Variants in CNTNAP5 observed in about 807,000 individuals in gnomAD.
CNTNAP5 encodes the protein contactin associated protein family member 5, also known as contactin-associated protein-like 5.
Under a neutral mutation model 150.2 loss-of-function variants are expected in CNTNAP5, and 72 were observed. The ratio of observed to expected loss-of-function variants is 0.48; its 90% CI spans 0.40 to 0.58. The LOEUF (loss-of-function observed/expected upper bound fraction) is 0.58, where lower values mean the gene tolerates loss of function less well. CNTNAP5 is among the 20% of genes least tolerant of loss of function. CNTNAP5 has a pLI of 0.00. For missense variants in CNTNAP5, 1,636 were observed against 1,626.2 expected, an observed-to-expected ratio of 1.01 and a Z score of -0.10; for synonymous variants, 672 against 619.8, an observed-to-expected ratio of 1.08 and a Z score of -1.25.
At chr2:124,281,209 A>T (rs1688004912) in intron 3 of CNTNAP5, among the ~76,000 whole-genome samples, 1 of 152,180 alleles carries the variant, frequency 6.6e-6, no homozygotes, top group South Asian at 2.1e-4. Context: ...ATAAATACAA[A>T]GGAAAAAGAG....
At chr2:124,167,649 C>T (rs1293733081) in intron 1 of CNTNAP5, among the ~76,000 whole-genome samples, 3 of 152,162 alleles carry the variant, frequency 2.0e-5, no homozygotes, top group Non-Finnish European at 4.4e-5. Flanking sequence ...TCTTGTTAGG[C>T]AGGGAACCTG....
At chr2:124,633,335 G>C (rs572463184) in intron 12 of CNTNAP5, among the ~76,000 whole-genome samples, 10 of 152,256 alleles carry the variant, frequency 6.6e-5, no homozygotes, top group African/African-American at 2.2e-4. Context: ...TTGGTAAATA[G>C]CCTTATTCCA....
intron 18 of CNTNAP5, 33 bp downstream of exon 18, chr2:124,790,174 A>G: frequency 6.4e-7 from 1 of 1,573,840 alleles, no homozygotes; most frequent in Non-Finnish European, 8.6e-7. Flanking sequence ...TCCTGAGTGC[A>G]GTGCTGTATC....
chr2:124,651,191 A>T (rs727180), intron 13 of CNTNAP5, among the ~76,000 whole-genome samples: 83,846 of 152,110 alleles, frequency 0.55, 23,701 homozygotes, highest in Non-Finnish European at 0.62. Flanking sequence ...CAGGCTGATT[A>T]CCATAGCCTA....
intron 3 of CNTNAP5, among the ~76,000 whole-genome samples, chr2:124,329,017 G>A (rs1262951036): frequency 6.6e-6 from 1 of 152,170 alleles, no homozygotes; most frequent in African/African-American, 2.4e-5. Flanking sequence ...AGGCAAGAAG[G>A]AGACAGGGAA....
At chr2:124,089,745 T>C (rs143929784) in intron 1 of CNTNAP5, among the ~76,000 whole-genome samples, 53 of 152,350 alleles carry the variant, frequency 3.5e-4, no homozygotes, top group African/African-American at 1.2e-3. Context: ...AGTTCACTTA[T>C]TTATCATTGA....
chr2:124,177,547 T>A (rs895340998), intron 1 of CNTNAP5, among the ~76,000 whole-genome samples: 5 of 152,170 alleles, frequency 3.3e-5, no homozygotes, highest in African/African-American at 1.2e-4. Flanking sequence ...TGTCCTAATC[T>A]GTCCTAATCT....
In CNTNAP5 at chr2:124,034,404, C is replaced by T. The variant is rs549861409; in HGVS notation, c.82+8672C>T. 4.9e-4 allele frequency among the ~76,000 whole-genome samples: 74 copies of T among 152,296 alleles called. No individual in the cohort carries two copies. In the South Asian group the frequency reaches 5.6e-3, roughly 12 times the overall value. ...CCCACTTCCCCTTCATCTGGGTAAT[C>T]GGATGGGTGAGTCACTGCTAAGACA... On this transcript the variant is annotated intron_variant, in intron 1 of 23. Transcript: ENST00000682447.
At chr2:124,255,589 A>C (rs1027152450) in intron 3 of CNTNAP5, among the ~76,000 whole-genome samples, 2 of 71,356 alleles carry the variant, frequency 2.8e-5, no homozygotes, top group Non-Finnish European at 5.3e-5. Context: ...TAAAATAATA[A>C]TTTTTTTTTA....
intron 11 of CNTNAP5, among the ~76,000 whole-genome samples, chr2:124,572,569 G>A (rs1910527): frequency 0.21 from 32,589 of 152,008 alleles, 4,310 homozygotes; most frequent in East Asian, 0.62. Context: ...TTTCAAGGGT[G>A]GATATTAAAA....
intron 17 of CNTNAP5, among the ~76,000 whole-genome samples, chr2:124,786,047 C>A (rs370829874): frequency 2.6e-5 from 4 of 151,860 alleles, no homozygotes; most frequent in East Asian, 3.9e-4. Flanking sequence ...ATAGCCTGGG[C>A]AACATAGTAA....
At chr2:124,443,654 T>C (rs554735416) in intron 5 of CNTNAP5, among the ~76,000 whole-genome samples, 1 of 152,264 alleles carries the variant, frequency 6.6e-6, no homozygotes, top group South Asian at 2.1e-4. Flanking sequence ...TGATTCATAA[T>C]ATTTATAAAA....
intron 3 of CNTNAP5, among the ~76,000 whole-genome samples, chr2:124,405,191 T>C (rs1691538793): frequency 6.6e-6 from 1 of 152,142 alleles, no homozygotes. Flanking sequence ...GTTTTCCTCA[T>C]GAGGCGGCGA....
At chr2:124,217,227 AT>A (rs147590740) in intron 1 of CNTNAP5, among the ~76,000 whole-genome samples, 21,192 of 151,936 alleles carry the variant, frequency 0.14, 2,016 homozygotes, top group East Asian at 0.35. Context: ...CTCTCATTAT[AT>A]TTTTTTTCTT....
chr2:124,739,659 C>T (rs1573584941), intron 13 of CNTNAP5, among the ~76,000 whole-genome samples: 1 of 152,116 alleles, frequency 6.6e-6, no homozygotes, highest in Non-Finnish European at 1.5e-5. Context: ...TTCCTAAAGA[C>T]GACTGCGGTG....
At chr2:124,354,838 A>AT (rs1307486378) in intron 3 of CNTNAP5, among the ~76,000 whole-genome samples, 2 of 152,062 alleles carry the variant, frequency 1.3e-5, no homozygotes, top group Non-Finnish European at 2.9e-5. Context: ...ATATGACCAG[A>AT]TTTTTTATAT....
At chr2:124,119,368 T>C (rs1267569148) in intron 1 of CNTNAP5, among the ~76,000 whole-genome samples, 1 of 152,088 alleles carries the variant, frequency 6.6e-6, no homozygotes, top group Admixed American at 6.6e-5. Context: ...GAAGCTTTTT[T>C]TTTTTTTTAA....
chr2:124,371,263 G>A (rs1690518303), intron 3 of CNTNAP5, among the ~76,000 whole-genome samples: 1 of 152,116 alleles, frequency 6.6e-6, no homozygotes, highest in African/African-American at 2.4e-5. Flanking sequence ...GTGGGGTAAT[G>A]TGTCCCGAAC....
In CNTNAP5 at chr2:124,376,797, C is replaced by T. The variant is rs1258402196; in HGVS notation, c.382-40646C>T. ...TCCACAGAGAGTTCGGATGGCCCTA[C>T]CTTTTTTTCTTTTAAGCTTAAGAAA... On this transcript the variant is annotated intron_variant, in intron 3 of 23. Coordinates refer to ENST00000682447, the MANE Select transcript of CNTNAP5 (RefSeq NM_001367498.1). Among the ~76,000 whole-genome samples the T allele has an allele frequency of 2.0e-5, 3 of 150,946 alleles. No individual in the cohort carries two copies. The East Asian group carries it at 5.8e-4, about 29-fold the overall frequency.
Sources: allele counts gnomAD v4.1 joint callset (sites outside exome capture counted in the v4.1 genomes callset), GRCh38; gene constraint gnomAD v4.1.1; transcripts MANE v1.5; gene names NCBI Gene and HGNC (gene_info 2026-07-23, HGNC 2026-07-21).